ARK2C: variants seen among roughly 807,000 people sequenced by gnomAD.
The protein encoded by ARK2C is arkadia (RNF111) C-terminal like ring finger ubiquitin ligase 2C, also known as E3 ubiquitin-protein ligase ARK2C.
chr18:46,461,943 A>G, the ARK2C span: 1 of 152,200 alleles, frequency 6.6e-6, no homozygotes, highest in Non-Finnish European at 1.5e-5. Flanking sequence ...AGGAGCTCCA[A>G]ACTATGGGTT....
chr18:46,436,529 T>A, the ARK2C span, among the ~76,000 whole-genome samples: 1 of 152,196 alleles, frequency 6.6e-6, no homozygotes, highest in Non-Finnish European at 1.5e-5. Flanking sequence ...TGCCGTTGTG[T>A]CATTTTTCAG....
At chr18:46,393,375 C>T in the ARK2C span, among the ~76,000 whole-genome samples, 17,353 of 152,114 alleles carry the variant, frequency 0.11, 1,203 homozygotes, top group Non-Finnish European at 0.16. Flanking sequence ...AGGCAGACAC[C>T]TTCCCGCTGA....
At chr18:46,350,394 G>A in the ARK2C span, among the ~76,000 whole-genome samples, 1 of 152,180 alleles carries the variant, frequency 6.6e-6, no homozygotes, top group African/African-American at 2.4e-5. Flanking sequence ...TGGCCTGGGA[G>A]GGCTTCCTGG....
the ARK2C span, among the ~76,000 whole-genome samples, chr18:46,376,254 C>T: frequency 6.6e-6 from 1 of 152,234 alleles, no homozygotes; most frequent in Non-Finnish European, 1.5e-5. Context: ...AAGGGCCTGA[C>T]ATTAGTTGGG....
the ARK2C span, among the ~76,000 whole-genome samples, chr18:46,402,948 T>C: frequency 6.6e-6 from 1 of 152,224 alleles, no homozygotes; most frequent in Admixed American, 6.5e-5. Context: ...ACACCATGGG[T>C]TTAATTAATG....
chr18:46,461,848 G>T, the ARK2C span: 1 of 152,188 alleles, frequency 6.6e-6, no homozygotes, highest in Non-Finnish European at 1.5e-5. Context: ...CGTATAGGAC[G>T]TGCCCTTTCA....
At chr18:46,334,290 G>T in the ARK2C span, 2 of 1,577,736 alleles carry the variant, frequency 1.3e-6, no homozygotes. The surrounding 1 kb of genome is among the most constrained non-coding windows in gnomAD (Gnocchi z 4.4). Flanking sequence ...CCTGGTCCAC[G>T]TCGGCTATCT....
chr18:46,337,953 C>T, the ARK2C span, among the ~76,000 whole-genome samples: 1 of 152,206 alleles, frequency 6.6e-6, no homozygotes, highest in Admixed American at 6.5e-5. Flanking sequence ...TACCTTTGGC[C>T]GCCTGTGTAC....
chr18:46,419,981 C>T, the ARK2C span, among the ~76,000 whole-genome samples: 2 of 152,106 alleles, frequency 1.3e-5, no homozygotes, highest in Non-Finnish European at 2.9e-5. Flanking sequence ...TCCCCAATAC[C>T]CCAGAGTGCT....
At chr18:46,435,354 T>C in the ARK2C span, 1 of 1,614,158 alleles carries the variant, frequency 6.2e-7, no homozygotes, top group Non-Finnish European at 8.5e-7. Flanking sequence ...TTCGGCCAAC[T>C]GCAGACACCT....
chr18:46,347,871 T>G, the ARK2C span, among the ~76,000 whole-genome samples: 26 of 152,232 alleles, frequency 1.7e-4, no homozygotes, highest in African/African-American at 6.3e-4. Context: ...GATCATGGAT[T>G]TGTTCAGCTC....
chr18:46,438,141 C>A, the ARK2C span, among the ~76,000 whole-genome samples: 2 of 152,244 alleles, frequency 1.3e-5, no homozygotes, highest in Non-Finnish European at 2.9e-5. Context: ...CACATTGGCA[C>A]AAGAAATCTC....
the ARK2C span, among the ~76,000 whole-genome samples, chr18:46,385,392 G>C: frequency 6.6e-6 from 1 of 152,080 alleles, no homozygotes; most frequent in African/African-American, 2.4e-5. Flanking sequence ...ATGTGTGTGT[G>C]AGTGTGCGTG....
the ARK2C span, among the ~76,000 whole-genome samples, chr18:46,406,297 C>T: frequency 2.0e-5 from 3 of 152,312 alleles, no homozygotes; most frequent in East Asian, 1.9e-4. Flanking sequence ...CCCGGGCAGG[C>T]GTGGGAGCTG....
the ARK2C span, among the ~76,000 whole-genome samples, chr18:46,371,806 G>A: frequency 6.6e-6 from 1 of 152,244 alleles, no homozygotes; most frequent in African/African-American, 2.4e-5. Flanking sequence ...CAGTGACAAA[G>A]TGGCAGGTGG....
At chr18:46,394,627 C>G in the ARK2C span, among the ~76,000 whole-genome samples, 1 of 152,216 alleles carries the variant, frequency 6.6e-6, no homozygotes, top group African/African-American at 2.4e-5. Context: ...ACAGTTTCCC[C>G]TGGTTTGAAA....
At chr18:46,383,710 G>A in the ARK2C span, among the ~76,000 whole-genome samples, 20 of 151,908 alleles carry the variant, frequency 1.3e-4, no homozygotes, top group Non-Finnish European at 2.1e-4. Context: ...AGCCACCACC[G>A]CGCCCGGCTA....
the ARK2C span, among the ~76,000 whole-genome samples, chr18:46,393,384 G>A: frequency 1.3e-4 from 20 of 152,306 alleles, no homozygotes; most frequent in African/African-American, 4.8e-4. Context: ...CCTTCCCGCT[G>A]ACCACCAGCT....
At chr18:46,371,739 G>C in the ARK2C span, among the ~76,000 whole-genome samples, 30 of 152,178 alleles carry the variant, frequency 2.0e-4, no homozygotes, top group African/African-American at 7.2e-4. Flanking sequence ...TTTCTTCCCA[G>C]TGATACAGAT....
Sources: gnomAD v4.1 joint callset for allele counts (sites outside exome capture counted in the v4.1 genomes callset) on GRCh38, gnomAD v4.1.1 for gene constraint, Gnocchi (gnomAD v3.1) non-coding constraint, MANE v1.5 for transcripts, NCBI Gene and HGNC (gene_info 2026-07-23, HGNC 2026-07-21) for gene names.